ESRRG: variants seen among roughly 807,000 people sequenced by gnomAD.
The protein encoded by ESRRG is estrogen-related receptor gamma.
A neutral mutation model predicts 44.0 loss-of-function variants in ESRRG; 13 were observed. The ratio of observed to expected loss-of-function variants is 0.30; its 90% CI spans 0.19 to 0.47. The LOEUF is 0.47. ESRRG is among the 20% of genes least tolerant of loss of function. The pLI, the probability that ESRRG is intolerant of heterozygous loss-of-function variation, is 1.00. For missense variants in ESRRG, 395 were observed against 580.6 expected (o/e 0.68, Z 3.29); for synonymous variants, 215 against 214.6 (o/e 1.00, Z -0.02).
intron 1 of ESRRG, 47 bp from the exon 2 acceptor site, chr1:216,677,538 C>A (rs1185736449): frequency 2.0e-6 from 3 of 1,493,590 alleles, no homozygotes; most frequent in South Asian, 1.3e-5. Context: ...GAGAGAGTGT[C>A]AAGCACAGAG....
intron 1 of ESRRG, among the ~76,000 whole-genome samples, chr1:217,049,451 C>A (rs984106841): frequency 1.3e-5 from 2 of 149,502 alleles, no homozygotes; most frequent in Admixed American, 1.3e-4. Context: ...CTTTGAAGAC[C>A]AAAGCATAAC....
At chr1:216,575,423 T>A (rs2061524794) in intron 3 of ESRRG, among the ~76,000 whole-genome samples, 1 of 152,116 alleles carries the variant, frequency 6.6e-6, no homozygotes, top group Non-Finnish European at 1.5e-5. Flanking sequence ...CCAAGCAACG[T>A]CTTTGTTGTT....
intron 2 of ESRRG, among the ~76,000 whole-genome samples, chr1:216,784,918 C>T (rs1257677354): frequency 2.0e-5 from 3 of 151,928 alleles, no homozygotes; most frequent in Non-Finnish European, 4.4e-5. Flanking sequence ...CAGTTTCTAT[C>T]ACTAAACAAT....
chr1:216,678,996 G>A lies in ESRRG; in HGVS notation c.57-1505C>T, dbSNP rs575249334. ...TTCTGGCAGGAAGTTTCACTTAACT[G>A]TTCCAAGAAGGCGGTCTCAGGAGCA... On this transcript the variant is annotated intron_variant, in intron 1 of 6. Transcript: ENST00000408911. Among the ~76,000 whole-genome samples the A allele has an allele frequency of 4.6e-5, 7 of 152,198 alleles. No individual in the cohort carries two copies. In the South Asian group the frequency reaches 1.4e-3, roughly 32 times the overall value.
chr1:217,022,809 C>A (rs542406990), intron 1 of ESRRG, among the ~76,000 whole-genome samples: 1 of 151,566 alleles, frequency 6.6e-6, no homozygotes, highest in African/African-American at 2.4e-5. Flanking sequence ...GCTGTATGTG[C>A]TGGAAAGAAG....
chr1:216,521,805 T>G (rs1396865630), intron 5 of ESRRG, among the ~76,000 whole-genome samples: 1 of 152,096 alleles, frequency 6.6e-6, no homozygotes, highest in Admixed American at 6.6e-5. Context: ...AGGCATCCAA[T>G]TTTTCTTATC....
At chr1:216,807,577 G>A (rs551988342) in intron 2 of ESRRG, among the ~76,000 whole-genome samples, 29 of 152,150 alleles carry the variant, frequency 1.9e-4, no homozygotes, top group African/African-American at 6.7e-4. Context: ...TCTCATTTTG[G>A]TAATGCAGGG....
chr1:216,708,698 G>A (rs1331457628), intron 1 of ESRRG, among the ~76,000 whole-genome samples: 2 of 152,124 alleles, frequency 1.3e-5, no homozygotes, highest in African/African-American at 4.8e-5. Flanking sequence ...ATTTGACCCA[G>A]CAATCCCATT....
At chr1:216,937,242 A>C (rs900150348) in intron 2 of ESRRG, among the ~76,000 whole-genome samples, 1 of 137,680 alleles carries the variant, frequency 7.3e-6, no homozygotes, top group Middle Eastern at 3.5e-3. Flanking sequence ...AGTCAGGAAG[A>C]GCAGAAAAAA....
intron 1 of ESRRG, among the ~76,000 whole-genome samples, chr1:217,121,757 G>A (rs35368177): frequency 0.1 from 15,820 of 152,138 alleles, 1,136 homozygotes; most frequent in Admixed American, 0.14. Context: ...ATTTAACATC[G>A]GAGAGCCAGA....
intron 3 of ESRRG, among the ~76,000 whole-genome samples, chr1:216,624,594 G>GA (rs1234770537): frequency 6.6e-6 from 1 of 152,148 alleles, no homozygotes; most frequent in East Asian, 1.9e-4. Context: ...GAGACAAAGG[G>GA]AAAAAAACTG....
rs371031049 is a variant in ESRRG, at chr1:217,134,860, C to G, written c.-230+2807G>C. Among the ~76,000 whole-genome samples the G allele has an allele frequency of 7.9e-5, 12 of 152,324 alleles. No individual in the cohort carries two copies. The East Asian group carries it at 9.7e-4, about 12-fold the overall frequency. ...GAGGACAAGGTCAAGGCCTGTGGAC[C>G]GACCGCCGCGATCCGCTTGCACCTT... On this transcript the variant is annotated intron_variant, in intron 1 of 8. Coordinates refer to the ESRRG transcript ENST00000366940.
intron 2 of ESRRG, among the ~76,000 whole-genome samples, chr1:216,785,178 T>C (rs952217532): frequency 2.0e-5 from 3 of 152,212 alleles, no homozygotes; most frequent in African/African-American, 4.8e-5. Flanking sequence ...TATTGAACCA[T>C]CACTGGAACA....
intron 1 of ESRRG, among the ~76,000 whole-genome samples, chr1:217,107,647 T>C (rs1276732398): frequency 1.3e-5 from 2 of 152,228 alleles, no homozygotes; most frequent in African/African-American, 4.8e-5. Context: ...ATTAGATATA[T>C]GGTCTGTTTC....
At chr1:216,576,907 G>A (rs943671460) in intron 3 of ESRRG, among the ~76,000 whole-genome samples, 2 of 151,942 alleles carry the variant, frequency 1.3e-5, no homozygotes, top group Non-Finnish European at 2.9e-5. Flanking sequence ...AATGAGTCTG[G>A]CAAGACAGCC....
intron 2 of ESRRG, among the ~76,000 whole-genome samples, chr1:216,919,697 A>T (rs1368315671): frequency 6.6e-6 from 1 of 152,210 alleles, no homozygotes; most frequent in Non-Finnish European, 1.5e-5. Context: ...TTAGTCTTGC[A>T]TGGAGGAGAA....
At chr1:216,820,879 C>T (rs547489709) in intron 2 of ESRRG, among the ~76,000 whole-genome samples, 206 of 152,326 alleles carry the variant, frequency 1.4e-3, no homozygotes, top group Middle Eastern at 6.8e-3. Flanking sequence ...TCTTCCCTTT[C>T]CTATGAAAGC....
At chr1:216,720,649 G>T (rs559627294) in intron 1 of ESRRG, among the ~76,000 whole-genome samples, 8 of 151,638 alleles carry the variant, frequency 5.3e-5, no homozygotes, top group Non-Finnish European at 1.0e-4. Context: ...AATTACTTTG[G>T]GATTGTCTTG....
intron 1 of ESRRG, among the ~76,000 whole-genome samples, chr1:217,055,735 C>A (rs574226622): frequency 7.1e-6 from 1 of 140,174 alleles, no homozygotes; most frequent in African/African-American, 2.5e-5. Flanking sequence ...GGTACATTTA[C>A]ACTACATGAG....
Sources: gnomAD v4.1 joint callset for allele counts (sites outside exome capture counted in the v4.1 genomes callset) on GRCh38, gnomAD v4.1.1 for gene constraint, MANE v1.5 for transcripts, NCBI Gene and HGNC (gene_info 2026-07-23, HGNC 2026-07-21) for gene names.